The following NINJ2 variants were observed in gnomAD, a reference collection of about 807,000 sequenced individuals.
NINJ2 encodes the protein ninjurin-2.
A neutral mutation model predicts 11.7 loss-of-function variants in NINJ2; 12 were observed. The observed-to-expected ratio is 1.02, with a 90% CI of 0.66 to 1.66. The LOEUF is 1.66. NINJ2 is among the 40% of genes most tolerant of loss of function. The pLI, the probability that NINJ2 is intolerant of heterozygous loss-of-function variation, is 0.00. For synonymous variants in NINJ2, 93 were observed against 76.8 expected (o/e 1.21, Z -1.10); for missense variants, 187 against 181.8 (o/e 1.03, Z -0.16).
At chr12:631,739 T>C (rs1371801230) in intron 1 of NINJ2, among the ~76,000 whole-genome samples, 3 of 152,208 alleles carry the variant, frequency 2.0e-5, no homozygotes, top group Non-Finnish European at 4.4e-5. Flanking sequence ...CTGTTTGTAA[T>C]TGTAATTCAC....
chr12:589,463 A>G (rs1209584490), intron 1 of NINJ2: 1 of 152,236 alleles, frequency 6.6e-6, no homozygotes, highest in African/African-American at 2.4e-5. Flanking sequence ...TTTCTATCAC[A>G]CTAAAGACTT....
chr12:590,325 A>C (rs1196241067), intron 1 of NINJ2, among the ~76,000 whole-genome samples: 1 of 152,158 alleles, frequency 6.6e-6, no homozygotes, highest in South Asian at 2.1e-4. Flanking sequence ...AGTGGGTATA[A>C]AAATGGGACT....
chr12:622,585 G>A lies in NINJ2; in HGVS notation c.33+40743C>T, dbSNP rs777313880. On this transcript the variant is annotated intron_variant, in intron 1 of 3. Transcript: ENST00000305108. ...TTTGTCATTGTTTCCTACTGCACAC[G>A]TTTGCAGCATATGGGAAGTGGGAGG... Among the ~76,000 whole-genome samples the A allele has an allele frequency of 7.2e-5, 11 of 151,998 alleles. No individual in the cohort carries two copies. The South Asian group carries it at 1.0e-3, about 14-fold the overall frequency.
At chr12:571,768 T>C (rs1470329689) in intron 1 of NINJ2, among the ~76,000 whole-genome samples, 2 of 152,228 alleles carry the variant, frequency 1.3e-5, no homozygotes, top group Non-Finnish European at 2.9e-5. Flanking sequence ...TCATTGTTTA[T>C]CGACTTTATG....
At chr12:565,452 G>A (rs369434728) in intron 2 of NINJ2, 51 bp from the exon 3 acceptor site, 21 of 1,572,834 alleles carry the variant, frequency 1.3e-5, no homozygotes, top group Middle Eastern at 1.9e-4. Context: ...GCCACAGCAC[G>A]GAGCTGCCCC....
At chr12:647,841 G>T (rs1231740766) in intron 1 of NINJ2, among the ~76,000 whole-genome samples, 2 of 152,052 alleles carry the variant, frequency 1.3e-5, no homozygotes, top group Non-Finnish European at 2.9e-5. Context: ...GCTGTTCCAG[G>T]GACCACATTT....
At chr12:636,300 T>A (rs949218794) in intron 1 of NINJ2, among the ~76,000 whole-genome samples, 4 of 151,944 alleles carry the variant, frequency 2.6e-5, no homozygotes, top group Admixed American at 2.0e-4. Flanking sequence ...CACTTGAACC[T>A]GGGAGGCAGA....
chr12:661,074 A>G (rs1937951525), intron 1 of NINJ2, among the ~76,000 whole-genome samples: 1 of 143,734 alleles, frequency 7.0e-6, no homozygotes. Flanking sequence ...TTTTAACTAA[A>G]GAGTGTTATT....
chr12:633,283 A>G lies in NINJ2; in HGVS notation c.33+30045T>C, dbSNP rs1948304515. ...GAGGCCGAGGTGGATGGATCACCTG[A>G]AGTCAGCAGTTCAAGACCAACTTGG... On this transcript the variant is annotated intron_variant, in intron 1 of 3. Transcript: ENST00000305108. This position sits in a 1 kb window ranked among gnomAD's most constrained non-coding sequence, Gnocchi z 4.3. Among the ~76,000 whole-genome samples the G allele has an allele frequency of 6.6e-6, 1 of 152,050 alleles. No homozygotes were observed. The highest frequency in any genetic ancestry group is 1.5e-5 in the Non-Finnish European group (1 of 68,008).
intron 1 of NINJ2, among the ~76,000 whole-genome samples, chr12:642,502 AC>A (rs1455808632): frequency 5.3e-5 from 8 of 152,224 alleles, no homozygotes; most frequent in Non-Finnish European, 5.9e-5. Flanking sequence ...TGCTGGAATT[AC>A]CGGCGTGAGC....
intron 1 of NINJ2, among the ~76,000 whole-genome samples, chr12:613,357 C>G (rs1271075083): frequency 6.6e-6 from 1 of 152,188 alleles, no homozygotes; most frequent in Non-Finnish European, 1.5e-5. Context: ...CCTATAATCC[C>G]AGCACTTTTG....
At chr12:655,859 G>C (rs1208546312) in intron 1 of NINJ2, among the ~76,000 whole-genome samples, 1 of 152,004 alleles carries the variant, frequency 6.6e-6, no homozygotes, top group Admixed American at 6.6e-5. Context: ...TTTGCAGTGA[G>C]CTGAGATTGT....
chr12:565,740 C>A, intron 2 of NINJ2: 1 of 653,140 alleles, frequency 1.5e-6, no homozygotes, highest in South Asian at 1.7e-5. Flanking sequence ...AGGGTCTGCT[C>A]CATGGGATAC....
At chr12:604,782 C>A (rs79179202) in intron 1 of NINJ2, among the ~76,000 whole-genome samples, 8,244 of 152,182 alleles carry the variant, frequency 0.054, 272 homozygotes, top group South Asian at 0.13. Context: ...AGATGGAGGA[C>A]GGGCTGAAAG....
chr12:644,308 C>A (rs1592116366), intron 1 of NINJ2: 1 of 152,276 alleles, frequency 6.6e-6, no homozygotes, highest in Non-Finnish European at 1.5e-5. Context: ...TGGGGTGCGG[C>A]CTGAGATTCT....
rs1012982585 is a variant in NINJ2 at position 614,549 on chromosome 12, CCTCT to C, written c.34-48375_34-48372del. The stretch of plus-strand genomic sequence containing the variant: ...CAGTCCTGCCGGGCCTGGCTCCCTC[CCTCT>C]GTCTTCTTCCCCTTGCATTCCCTAC... On this transcript the variant is annotated intron_variant, in intron 1 of 3. Coordinates refer to ENST00000305108, the MANE Select transcript of NINJ2 (RefSeq NM_016533.6). The surrounding 1 kb of genome is among the most constrained non-coding windows in gnomAD (Gnocchi z 5.1). Among the ~76,000 whole-genome samples, 130 of 152,258 alleles carry C rather than the reference CCTCT, an allele frequency of 8.5e-4. No homozygotes were observed. Among genetic ancestry groups the C allele is most frequent in the African/African-American group, 2.9e-3 (119 of 41,538 alleles).
chr12:596,512 C>G (rs1947788305), intron 1 of NINJ2, among the ~76,000 whole-genome samples: 1 of 151,990 alleles, frequency 6.6e-6, no homozygotes, highest in Admixed American at 6.6e-5. Context: ...CCCAATTTCG[C>G]TATGAATTTC....
At chr12:627,186 T>C (rs1298566465) in intron 1 of NINJ2, among the ~76,000 whole-genome samples, 1 of 152,130 alleles carries the variant, frequency 6.6e-6, no homozygotes, top group Non-Finnish European at 1.5e-5. Context: ...AATTAAATCA[T>C]AGCATCCAAC....
chr12:625,558 A>T (rs1373844293), intron 1 of NINJ2, among the ~76,000 whole-genome samples: 2 of 152,178 alleles, frequency 1.3e-5, no homozygotes, highest in African/African-American at 4.8e-5. Flanking sequence ...AAGAGGGAAC[A>T]TCTACAGGAG....
Sources: allele counts gnomAD v4.1 joint callset (sites outside exome capture counted in the v4.1 genomes callset), GRCh38; gene constraint gnomAD v4.1.1; non-coding constraint Gnocchi (gnomAD v3.1); transcripts MANE v1.5; gene names NCBI Gene and HGNC (gene_info 2026-07-23, HGNC 2026-07-21).